CTNNA3: variants seen among roughly 807,000 people sequenced by gnomAD.
CTNNA3 encodes the protein catenin alpha 3.
In CTNNA3, 76 loss-of-function variants were observed where a neutral mutation model predicts 95.7. The observed-to-expected ratio is 0.79, with a 90% CI of 0.66 to 0.96. The LOEUF (loss-of-function observed/expected upper bound fraction) is 0.96, where lower values mean the gene tolerates loss of function less well. Ranked by LOEUF, CTNNA3 falls within the 40% of genes least tolerant of loss-of-function variation. CTNNA3 has a pLI of 0.00. For missense variants in CTNNA3, 1,191 were observed against 1,089.8 expected (o/e 1.09, Z -1.31); for synonymous variants, 431 against 374.4 (o/e 1.15, Z -1.74).
intron 3 of CTNNA3, among the ~76,000 whole-genome samples, chr10:67,546,981 T>C (rs1176301874): frequency 6.6e-6 from 1 of 152,156 alleles, no homozygotes; most frequent in Non-Finnish European, 1.5e-5. Context: ...TAATAAATGA[T>C]ACCTAACCCT....
intron 5 of CTNNA3, among the ~76,000 whole-genome samples, chr10:67,436,187 G>C (rs185880821): frequency 1.1e-4 from 17 of 152,170 alleles, no homozygotes; most frequent in African/African-American, 4.1e-4. Flanking sequence ...ACAGCCAACT[G>C]ATCTTCAACA....
At chr10:67,124,060 C>T (rs1009102579) in intron 7 of CTNNA3, among the ~76,000 whole-genome samples, 1 of 152,026 alleles carries the variant, frequency 6.6e-6, no homozygotes, top group South Asian at 2.1e-4. Flanking sequence ...AGCCCAGGAA[C>T]TCTAAGGGTG....
intron 5 of CTNNA3, among the ~76,000 whole-genome samples, chr10:67,308,538 C>A (rs190352775): frequency 6.6e-6 from 1 of 152,264 alleles, no homozygotes; most frequent in Admixed American, 6.5e-5. Context: ...TTGGGCATTT[C>A]TTCATAGCAG....
At chr10:66,792,284 T>G (rs1172398798) in intron 7 of CTNNA3, among the ~76,000 whole-genome samples, 1 of 152,214 alleles carries the variant, frequency 6.6e-6, no homozygotes, top group African/African-American at 2.4e-5. Context: ...CTACTAATAT[T>G]CCTCGTATTT....
intron 13 of CTNNA3, among the ~76,000 whole-genome samples, chr10:66,157,847 T>C (rs1473963888): frequency 6.6e-6 from 1 of 152,118 alleles, no homozygotes; most frequent in Non-Finnish European, 1.5e-5. Flanking sequence ...TTTTTTATTA[T>C]GGCCATTCTT....
intron 5 of CTNNA3, among the ~76,000 whole-genome samples, chr10:67,360,136 T>A (rs762274511): frequency 6.6e-6 from 1 of 151,988 alleles, no homozygotes; most frequent in African/African-American, 2.4e-5. Context: ...AATAAAATCT[T>A]TTCTGGACAA....
chr10:67,669,224 A>AG (rs1390872525), intron 1 of CTNNA3, among the ~76,000 whole-genome samples: 3 of 152,206 alleles, frequency 2.0e-5, no homozygotes, highest in African/African-American at 7.2e-5. Context: ...ACTCTGACAT[A>AG]GGTTAGGTAT....
intron 7 of CTNNA3, among the ~76,000 whole-genome samples, chr10:66,840,228 C>T (rs1372002548): frequency 6.6e-6 from 1 of 151,972 alleles, no homozygotes; most frequent in Non-Finnish European, 1.5e-5. Flanking sequence ...ATTTTTTCAA[C>T]TGTTATTTCC....
chr10:67,374,429 C>T (rs550235929), intron 5 of CTNNA3, among the ~76,000 whole-genome samples: 1,688 of 134,398 alleles, frequency 0.013, 24 homozygotes, highest in African/African-American at 0.038. Flanking sequence ...AATTGGATAA[C>T]GAATGAACGA....
At chr10:65,966,485 T>TA (rs1463086416) in intron 17 of CTNNA3, 127 bp downstream of exon 17, 1 of 699,970 alleles carries the variant, frequency 1.4e-6, no homozygotes, top group Non-Finnish European at 2.2e-6. Context: ...GTACTTTTAA[T>TA]AAAAACTCCA....
At position 67,741,102 on chromosome 10, in the gene CTNNA3, T is replaced by A. The variant is rs141829464; in HGVS notation, c.-2+22332A>T. Among the ~76,000 whole-genome samples, 989 of 150,744 alleles carry A rather than the reference T, an allele frequency of 6.6e-3. 20 individuals are homozygous for A. Among genetic ancestry groups the A allele is most frequent in the African/African-American group, 0.023 (938 of 41,220 alleles). On this transcript the variant is annotated intron_variant, in intron 1 of 17. Coordinates refer to the CTNNA3 transcript ENST00000684154. ...CATATTCTCACTCATAGGTGGGAAC[T>A]GAACAATGGAAACACATGGACACAG...
chr10:66,286,700 T>C (rs886279852), intron 12 of CTNNA3, among the ~76,000 whole-genome samples: 1 of 151,990 alleles, frequency 6.6e-6, no homozygotes, highest in African/African-American at 2.4e-5. Flanking sequence ...GAAATGTATC[T>C]TCCTTTGACC....
chr10:66,689,635 A>G (rs1847441417), intron 9 of CTNNA3, among the ~76,000 whole-genome samples: 1 of 152,192 alleles, frequency 6.6e-6, no homozygotes, highest in Non-Finnish European at 1.5e-5. Flanking sequence ...GACAATTTTG[A>G]TATCTCAAAG....
chr10:66,955,607 G>A (rs1848746642), intron 7 of CTNNA3, among the ~76,000 whole-genome samples: 1 of 152,076 alleles, frequency 6.6e-6, no homozygotes, highest in South Asian at 2.1e-4. Context: ...AATAAATGTT[G>A]GATGAATGGA....
rs191334091 is a variant in CTNNA3 at position 66,862,524 on chromosome 10, G to C, written c.1048-87000C>G. The stretch of plus-strand genomic sequence containing the variant: ...GTTTGTGGAGGGGATATGGAACAGA[G>C]ACTTGAAGGTAGCAAGAAGGTCATT... On this transcript the variant is annotated intron_variant, in intron 7 of 17. Coordinates refer to ENST00000433211, the MANE Select transcript of CTNNA3 (RefSeq NM_013266.4). Among the ~76,000 whole-genome samples, 6 of 152,260 alleles carry C rather than the reference G, an allele frequency of 3.9e-5. No individual in the cohort carries two copies. In the East Asian group the frequency reaches 7.7e-4, roughly 20 times the overall value.
intron 3 of CTNNA3, among the ~76,000 whole-genome samples, chr10:67,560,584 G>A (rs764832981): frequency 1.3e-5 from 2 of 152,164 alleles, no homozygotes; most frequent in African/African-American, 2.4e-5. Context: ...ATCAACTAAC[G>A]AGGAAAATAG....
intron 12 of CTNNA3, among the ~76,000 whole-genome samples, chr10:66,298,124 C>T (rs1401870328): frequency 6.6e-6 from 1 of 152,156 alleles, no homozygotes; most frequent in Non-Finnish European, 1.5e-5. Flanking sequence ...AGCAGCAGCA[C>T]TGGGAGAACC....
chr10:66,404,127 C>T (rs906359617), intron 11 of CTNNA3, among the ~76,000 whole-genome samples: 2 of 152,060 alleles, frequency 1.3e-5, no homozygotes, highest in African/African-American at 4.8e-5. Flanking sequence ...GGACTCATGA[C>T]TCTTGAATTT....
chr10:67,374,848 A>G (rs1395480908), intron 5 of CTNNA3, among the ~76,000 whole-genome samples: 1 of 152,196 alleles, frequency 6.6e-6, no homozygotes, highest in African/African-American at 2.4e-5. Context: ...AATTTCATTA[A>G]AGCAAAAAAT....
Sources: allele counts gnomAD v4.1 joint callset (sites outside exome capture counted in the v4.1 genomes callset), GRCh38; gene constraint gnomAD v4.1.1; transcripts MANE v1.5; gene names NCBI Gene and HGNC (gene_info 2026-07-23, HGNC 2026-07-21).